AFDN: variants seen among roughly 807,000 people sequenced by gnomAD.
AFDN encodes afadin.
A neutral mutation model predicts 216.6 loss-of-function variants in AFDN; 68 were observed. The observed-to-expected ratio is 0.31, with a 90% confidence interval of 0.26 to 0.38. The LOEUF is 0.38. AFDN is among the 10% of genes least tolerant of loss of function. The pLI, the probability that AFDN is intolerant of heterozygous loss-of-function variation, is 1.00. For missense variants in AFDN, 2,136 were observed against 2,342.0 expected (o/e 0.91, Z 1.82); for synonymous variants, 868 against 853.7 (o/e 1.02, Z -0.29).
chr6:167,854,152 T>C (rs954468083), intron 1 of AFDN, among the ~76,000 whole-genome samples: 1 of 152,054 alleles, frequency 6.6e-6, no homozygotes, highest in African/African-American at 2.4e-5. Context: ...AATGGCATTT[T>C]ACTATTAGTA....
rs779923554 is a variant in AFDN, at chr6:167,914,727, G to A, written c.2288G>A (p.Arg763Gln). ...GACCCTGAAGAGAACAGTCTGCAACGACCAAAAATAGGTTAGGATGTTTTC... is the reference window on the plus strand; with the variant it reads ...GACCCTGAAGAGAACAGTCTGCAACAACCAAAAATAGGTTAGGATGTTTTC... ...LDDPEENSLQRPKIDDVLHTL... is the reference protein window; with the variant it reads ...LDDPEENSLQQPKIDDVLHTL... The change falls in exon 18 of 34, where the codon CGA (arginine) becomes CAA (glutamine). Residue 763 changes from arginine (R) to glutamine (Q), a missense_variant. Arg to Gln is a conservative substitution (Grantham distance 43). Transcript: ENST00000683244. The A allele has an allele frequency of 6.2e-7, 1 of 1,608,312 alleles. No individual in the cohort carries two copies. Among genetic ancestry groups the A allele is most frequent in the African/African-American group, 1.3e-5 (1 of 74,886 alleles).
intron 23 of AFDN, 93 bp downstream of exon 23, chr6:167,925,184 A>G: frequency 1.2e-6 from 1 of 867,802 alleles, no homozygotes; most frequent in Non-Finnish European, 1.9e-6. Flanking sequence ...GTACTTTACC[A>G]CCTGTGTATA....
intron 5 of AFDN, among the ~76,000 whole-genome samples, chr6:167,878,004 C>T (rs753106280): frequency 9.2e-5 from 14 of 152,092 alleles, no homozygotes; most frequent in Non-Finnish European, 1.6e-4. Flanking sequence ...TAATTGACCC[C>T]AAAATGCCCT....
intron 1 of AFDN, among the ~76,000 whole-genome samples, chr6:167,843,127 G>A (rs1165091183): frequency 6.6e-6 from 1 of 152,148 alleles, no homozygotes; most frequent in African/African-American, 2.4e-5. Context: ...TATTGCTCCA[G>A]TATTCTCTCT....
intron 1 of AFDN, among the ~76,000 whole-genome samples, chr6:167,840,714 G>A (rs966484856): frequency 1.1e-4 from 16 of 152,232 alleles, no homozygotes; most frequent in African/African-American, 3.6e-4. Flanking sequence ...ATACTAGTTG[G>A]TTTGGGGCTG....
At chr6:167,895,933 A>G (rs933133236) in intron 9 of AFDN, among the ~76,000 whole-genome samples, 2 of 152,192 alleles carry the variant, frequency 1.3e-5, no homozygotes, top group Non-Finnish European at 2.9e-5. Flanking sequence ...TGCCATGGCT[A>G]TGGTGCAGGT....
intron 6 of AFDN, among the ~76,000 whole-genome samples, chr6:167,888,326 A>G (rs1389951916): frequency 2.6e-5 from 4 of 152,358 alleles, no homozygotes; most frequent in African/African-American, 9.6e-5. Context: ...TGTGAGCATG[A>G]GGATACATTT....
In AFDN at chr6:167,889,208, T is replaced by G. The variant is rs143836006; in HGVS notation, c.898-7T>G. ...ACATTCATAGTTAATTATTTTTGTT[T>G]TTTTAGGTTATGCTTCCTCCTGGAG... On this transcript the variant is annotated splice_polypyrimidine_tract_variant and splice_region_variant and intron_variant, in intron 6 of 33. Coordinates refer to ENST00000683244, the MANE Select transcript of AFDN (RefSeq NM_001386888.1). 42,254 of 1,608,938 alleles carry G rather than the reference T, an allele frequency of 0.026. 699 individuals are homozygous for G. The highest frequency in any genetic ancestry group is 0.032 in the Non-Finnish European group (37,692 of 1,176,558).
At chr6:167,843,305 C>G (rs1781284755) in intron 1 of AFDN, among the ~76,000 whole-genome samples, 1 of 152,146 alleles carries the variant, frequency 6.6e-6, no homozygotes, top group Non-Finnish European at 1.5e-5. Context: ...CCTCTTCTCC[C>G]TACAATATGA....
At chr6:167,827,281 GCGCCGCGCCCCGCCCCTCCCCCC>G (rs1332367022) in intron 1 of AFDN, 44 bp downstream of exon 1, 4 of 865,794 alleles carry the variant, frequency 4.6e-6, no homozygotes, top group Non-Finnish European at 5.6e-6. Flanking sequence ...CCCGCCCGCT[GCGCCGCGCCCCGCCCCTCCCCCC>G]CGCCGCCGCC....
rs1184925123 is a variant in AFDN, at chr6:167,966,328, ATC to A, written c.5257+289_5257+290del. 8.8e-6 allele frequency: 12 copies of A among 1,359,696 alleles called. No individual in the cohort carries two copies. In the Admixed American group the frequency reaches 2.4e-4, roughly 27 times the overall value. The allele number at this position is 1,359,696 out of a possible 1,614,324, so 84.2% of individuals were successfully genotyped here. ...TTGTCTTAATGATTGGAACCTCAGCATCTCTCTGCACACTTGCCCTGTAGTAT... is the reference window on the plus strand; with the variant it reads ...TTGTCTTAATGATTGGAACCTCAGCATCTCTGCACACTTGCCCTGTAGTAT... On this transcript the variant is annotated intron_variant, in intron 32 of 33. Transcript: ENST00000683244.
chr6:167,887,578 C>T (rs1341834130), intron 6 of AFDN, among the ~76,000 whole-genome samples: 1 of 152,022 alleles, frequency 6.6e-6, no homozygotes, highest in African/African-American at 2.4e-5. Context: ...GCCTCAGCCT[C>T]CCGAATAACT....
chr6:167,859,502 G>T (rs1404863507), intron 1 of AFDN, among the ~76,000 whole-genome samples: 3 of 152,198 alleles, frequency 2.0e-5, no homozygotes, highest in African/African-American at 7.2e-5. Flanking sequence ...TTTGCTACTG[G>T]CTAGGACATG....
chr6:167,851,678 T>C (rs554194878), intron 1 of AFDN, among the ~76,000 whole-genome samples: 106 of 152,208 alleles, frequency 7.0e-4, no homozygotes, highest in Non-Finnish European at 1.3e-3. Context: ...TTGGCACAGA[T>C]TCATGTGGGT....
chr6:167,912,885 T>C (rs972741427), intron 15 of AFDN, among the ~76,000 whole-genome samples: 1 of 152,358 alleles, frequency 6.6e-6, no homozygotes, highest in African/African-American at 2.4e-5. Flanking sequence ...ACAAAGAATT[T>C]GCTCCCTTTA....
At chr6:167,959,164 G>A (rs570369564) in intron 30 of AFDN, among the ~76,000 whole-genome samples, 1 of 152,284 alleles carries the variant, frequency 6.6e-6, no homozygotes, top group Admixed American at 6.5e-5. Flanking sequence ...CTGCCACAAG[G>A]GCGTTTCACC....
chr6:167,970,542 C>T lies in AFDN; in HGVS notation c.*607C>T, dbSNP rs1020409900. 15 of 215,644 alleles carry T rather than the reference C, an allele frequency of 7.0e-5. No individual in the cohort carries two copies. The highest frequency in any genetic ancestry group is 2.7e-4 in the African/African-American group (12 of 44,370). The allele number at this position is 215,644 out of a possible 1,614,324, so 13.4% of individuals were successfully genotyped here. A position where few individuals can be genotyped will look rare whatever the true frequency, so the allele number is the denominator to read the frequency against. ...CCAAAGCTTCCTGTGTGATGACGCACGTCCGAGACTGTTCCATCTCATTCC... is the reference window on the plus strand; with the variant it reads ...CCAAAGCTTCCTGTGTGATGACGCATGTCCGAGACTGTTCCATCTCATTCC... On this transcript the variant is annotated 3_prime_UTR_variant, in exon 34 of 34. Transcript: ENST00000683244.
chr6:167,962,500 G>C lies in AFDN; in HGVS notation c.4901G>C (p.Arg1634Pro). 6 of 1,613,816 alleles carry C rather than the reference G, an allele frequency of 3.7e-6. No homozygotes were observed. Among genetic ancestry groups the C allele is most frequent in the Non-Finnish European group, 4.2e-6 (5 of 1,179,748 alleles). Residue 1634 changes from arginine (R) to proline (P), a missense_variant, in exon 31 of 34, where the codon CGA (arginine) becomes CCA (proline). Physicochemically the swap from Arg to Pro is moderately radical, Grantham distance 103. This residue lies in a region of AFDN where 981 missense variants were observed against 966.0 expected (regional missense o/e 1.02). Coordinates refer to ENST00000683244, the MANE Select transcript of AFDN (RefSeq NM_001386888.1). The surrounding 1 kb of genome is among the most constrained non-coding windows in gnomAD (Gnocchi z 5.2). ...ATGCGCAAGCGGGAAGCGGAAGACC[G>C]AGCGAGGCAAGAGGAAGAGCGCCGG... ...EEMRKREAED[R>P]ARQEEERRRQ...
intron 1 of AFDN, among the ~76,000 whole-genome samples, chr6:167,841,424 C>G (rs906377545): frequency 2.6e-5 from 4 of 151,868 alleles, no homozygotes; most frequent in African/African-American, 9.7e-5. Flanking sequence ...AACAAAATAT[C>G]TTGTGGGCTG....
Sources: gnomAD v4.1 joint callset for allele counts (sites outside exome capture counted in the v4.1 genomes callset) on GRCh38, gnomAD v4.1.1 for gene constraint, gnomAD v4.1.1 regional missense constraint, Gnocchi (gnomAD v3.1) non-coding constraint, MANE v1.5 for transcripts, NCBI Gene and HGNC (gene_info 2026-07-23, HGNC 2026-07-21) for gene names.